The following ECT2 variants were observed in gnomAD, a reference collection of about 807,000 sequenced individuals.
ECT2 encodes the protein protein ECT2.
In ECT2, 61 loss-of-function variants were observed where a neutral mutation model predicts 116.9. The observed-to-expected ratio is 0.52, with a 90% CI of 0.42 to 0.65. The LOEUF (loss-of-function observed/expected upper bound fraction) is 0.65, where lower values mean the gene tolerates loss of function less well. Ranked by LOEUF, ECT2 falls within the 30% of genes least tolerant of loss-of-function variation. The pLI is 0.00. For synonymous variants in ECT2, 358 were observed against 346.4 expected (o/e 1.03, Z -0.37); for missense variants, 937 against 1,078.7 (o/e 0.87, Z 1.84).
intron 22 of ECT2, among the ~76,000 whole-genome samples, chr3:172,810,012 C>A (rs1728472571): frequency 6.6e-6 from 1 of 152,082 alleles, no homozygotes; most frequent in African/African-American, 2.4e-5. Context: ...GTCTCAGAAT[C>A]CTTATGTATG....
intron 22 of ECT2, among the ~76,000 whole-genome samples, chr3:172,813,185 T>G (rs1296297187): frequency 2.0e-5 from 3 of 152,076 alleles, no homozygotes; most frequent in Non-Finnish European, 4.4e-5. Flanking sequence ...GAGTTTTCCT[T>G]TATGCTGGCA....
chr3:172,760,353 C>T (rs1717989193), intron 7 of ECT2, 90 bp downstream of exon 7: 4 of 657,340 alleles, frequency 6.1e-6, no homozygotes, highest in South Asian at 3.3e-5. Flanking sequence ...ATTTCTTTCA[C>T]AATTAAAGAA....
At chr3:172,816,943 TA>T in intron 24 of ECT2, 106 bp downstream of exon 24, 1 of 946,668 alleles carries the variant, frequency 1.1e-6, no homozygotes. Flanking sequence ...AAAAAAATTT[TA>T]ATAATTTTAT....
At position 172,773,566 on chromosome 3, in the gene ECT2, C is replaced by T. The variant is rs116804479; in HGVS notation, c.1429-337C>T. Among the ~76,000 whole-genome samples, 498 of 152,288 alleles carry T rather than the reference C, an allele frequency of 3.3e-3. 2 individuals carry two copies. The highest frequency in any genetic ancestry group is 4.9e-3 in the Non-Finnish European group (334 of 68,020). ...AGATATGTCTGGAGGCAGCAGATTG[C>T]TTGTTGCTTTCATCCTTAGTAACTT... On this transcript the variant is annotated intron_variant, in intron 13 of 24. Coordinates refer to ENST00000392692, the MANE Select transcript of ECT2 (RefSeq NM_001258315.2).
chr3:172,793,147 T>G (rs1724978234), intron 18 of ECT2, among the ~76,000 whole-genome samples: 1 of 152,154 alleles, frequency 6.6e-6, no homozygotes, highest in African/African-American at 2.4e-5. Context: ...GGTCAGTGAT[T>G]TCATTTTTTA....
chr3:172,807,627 C>G (rs1728016942), intron 21 of ECT2, 143 bp from the exon 22 acceptor site: 1 of 908,630 alleles, frequency 1.1e-6, no homozygotes, highest in South Asian at 2.1e-5. Flanking sequence ...TGTTCTTTGT[C>G]TTATTAAAAA....
intron 22 of ECT2, among the ~76,000 whole-genome samples, chr3:172,813,683 C>T (rs887007621): frequency 5.3e-5 from 8 of 151,916 alleles, no homozygotes; most frequent in East Asian, 1.9e-4. Flanking sequence ...ATCTGTTTTT[C>T]GAGCTTTTTC....
At chr3:172,822,719 AAAC>A (rs1249348623), downstream of ECT2, among the ~76,000 whole-genome samples, 1 of 152,040 alleles carries the variant, frequency 6.6e-6, no homozygotes, top group African/African-American at 2.4e-5. Context: ...TTTTTAAAAT[AAAC>A]AAGCTTGATT....
intron 12 of ECT2, 36 bp from the exon 13 acceptor site, chr3:172,768,971 G>T: frequency 6.5e-7 from 1 of 1,532,308 alleles, no homozygotes; most frequent in South Asian, 1.3e-5. Context: ...TTTATATTTG[G>T]CTTCCATTAA....
At chr3:172,801,073 A>G (rs1310197482) in intron 18 of ECT2, among the ~76,000 whole-genome samples, 8 of 152,188 alleles carry the variant, frequency 5.3e-5, no homozygotes, top group Non-Finnish European at 1.2e-4. Flanking sequence ...TGACGTGAAT[A>G]TAATAACTTT....
At chr3:172,762,137 G>T (rs1056179086) in intron 8 of ECT2, among the ~76,000 whole-genome samples, 1 of 151,988 alleles carries the variant, frequency 6.6e-6, no homozygotes, top group Non-Finnish European at 1.5e-5. Flanking sequence ...GAAAGCCTTG[G>T]AACACAGTAC....
intron 18 of ECT2, among the ~76,000 whole-genome samples, chr3:172,790,161 A>G (rs1046629838): frequency 4.6e-5 from 7 of 152,180 alleles, no homozygotes; most frequent in Admixed American, 3.3e-4. Flanking sequence ...TCTCATGCTC[A>G]GCTTCACCTG....
At chr3:172,800,513 G>A (rs961573653) in intron 18 of ECT2, among the ~76,000 whole-genome samples, 1 of 152,120 alleles carries the variant, frequency 6.6e-6, no homozygotes, top group African/African-American at 2.4e-5. Context: ...CACTTGGTCA[G>A]TATGTATGCC....
Position 172,820,028 on chromosome 3 carries a change from T to A in ECT2, c.2656-120T>A, listed in dbSNP as rs1327762921. ...AAGAGTTTAGAATTGTCAGATGTCT[T>A]GTACTTAATTGTTACAGTAATTTGT... On this transcript the variant is annotated intron_variant, in intron 24 of 24. Transcript: ENST00000392692. 1.3e-5 allele frequency: 8 copies of A among 617,466 alleles called. No homozygotes were observed. The Admixed American group carries it at 2.6e-4, about 20-fold the overall frequency. The allele number at this position is 617,466 out of a possible 1,614,324, so 38.2% of individuals were successfully genotyped here.
At chr3:172,805,503 C>G (rs1300122824) in intron 20 of ECT2, among the ~76,000 whole-genome samples, 1 of 152,028 alleles carries the variant, frequency 6.6e-6, no homozygotes, top group African/African-American at 2.4e-5. Flanking sequence ...ATCCCTTGGC[C>G]TTTTTTCCTG....
At chr3:172,764,553 T>G in intron 12 of ECT2, 53 bp downstream of exon 12, 2 of 1,493,804 alleles carry the variant, frequency 1.3e-6, no homozygotes, top group Non-Finnish European at 1.9e-6. Context: ...ATGGAATAAT[T>G]GTTAGAATTT....
rs183837142 is a variant in ECT2 at position 172,805,036 on chromosome 3, T to C, written c.2107-695T>C. Among the ~76,000 whole-genome samples, 268 of 152,220 alleles carry C rather than the reference T, an allele frequency of 1.8e-3. 6 individuals carry two copies. Among genetic ancestry groups the C allele is most frequent in the African/African-American group, 6.3e-3 (260 of 41,564 alleles). On this transcript the variant is annotated intron_variant, in intron 20 of 24. Coordinates refer to ENST00000392692, the MANE Select transcript of ECT2 (RefSeq NM_001258315.2). ...TATAATCTTAAATAAACTTATTCTT[T>C]AGCTTGTTTGTTTAGGAAAAATAAA...
At chr3:172,824,701 A>G (rs1189761558), downstream of ECT2, among the ~76,000 whole-genome samples, 1 of 152,126 alleles carries the variant, frequency 6.6e-6, no homozygotes, top group Non-Finnish European at 1.5e-5. Context: ...AAATCACTCT[A>G]TATCTGTATA....
chr3:172,809,610 C>T (rs984189122), intron 22 of ECT2, among the ~76,000 whole-genome samples: 1 of 150,530 alleles, frequency 6.6e-6, no homozygotes, highest in Admixed American at 6.6e-5. Flanking sequence ...CACACACACA[C>T]GTGAAAGATG....
Sources: gnomAD v4.1 joint callset for allele counts (sites outside exome capture counted in the v4.1 genomes callset) on GRCh38, gnomAD v4.1.1 for gene constraint, MANE v1.5 for transcripts, NCBI Gene and HGNC (gene_info 2026-07-23, HGNC 2026-07-21) for gene names.